KCNU1: variants seen among roughly 807,000 people sequenced by gnomAD.
KCNU1 encodes potassium channel subfamily U member 1.
In KCNU1, 93 loss-of-function variants were observed where a neutral mutation model predicts 126.8. That is an observed-to-expected ratio of 0.73 (90% confidence interval 0.62 to 0.87). KCNU1 has a LOEUF of 0.87. Ranked by LOEUF, KCNU1 falls within the 40% of genes least tolerant of loss-of-function variation. KCNU1 has a pLI of 0.00. For missense variants in KCNU1, 1,330 were observed against 1,367.1 expected (o/e 0.97, Z 0.43); for synonymous variants, 523 against 494.2 (o/e 1.06, Z -0.77).
At chr8:36,807,263 G>C in intron 5 of KCNU1, 112 bp from the exon 6 acceptor site, 1 of 770,962 alleles carries the variant, frequency 1.3e-6, no homozygotes, top group South Asian at 1.6e-5. Context: ...AATAGATTTG[G>C]AACACGTCTA....
intron 19 of KCNU1, among the ~76,000 whole-genome samples, chr8:36,902,946 C>T (rs1330027104): frequency 6.6e-6 from 1 of 152,088 alleles, no homozygotes; most frequent in Non-Finnish European, 1.5e-5. Flanking sequence ...GACCTTGAAG[C>T]TTATATGTTA....
chr8:36,886,995 G>T (rs919773416), intron 19 of KCNU1, among the ~76,000 whole-genome samples: 1 of 152,024 alleles, frequency 6.6e-6, no homozygotes, highest in Non-Finnish European at 1.5e-5. Context: ...TTTTATGGCT[G>T]TGTAGTATTC....
intron 2 of KCNU1, among the ~76,000 whole-genome samples, chr8:36,800,193 T>C (rs1803252737): frequency 6.6e-6 from 1 of 152,306 alleles, no homozygotes; most frequent in South Asian, 2.1e-4. Context: ...ATACTTCTCA[T>C]AAAACAGGCA....
chr8:36,861,410 C>T (rs1805725283), intron 18 of KCNU1, among the ~76,000 whole-genome samples: 1 of 152,122 alleles, frequency 6.6e-6, no homozygotes, highest in African/African-American at 2.4e-5. Flanking sequence ...TGGCTCTGGT[C>T]TCCTTTCATG....
intron 18 of KCNU1, among the ~76,000 whole-genome samples, chr8:36,847,502 C>T (rs1029132755): frequency 1.3e-5 from 2 of 152,142 alleles, no homozygotes; most frequent in Non-Finnish European, 2.9e-5. Flanking sequence ...ATCTTCCCCT[C>T]CCTCTCCCCT....
chr8:36,904,364 A>G (rs192309844), intron 19 of KCNU1, among the ~76,000 whole-genome samples: 19 of 152,222 alleles, frequency 1.2e-4, no homozygotes, highest in Non-Finnish European at 2.1e-4. Context: ...CTCTTCTCAC[A>G]TTTCATTGGA....
intron 18 of KCNU1, among the ~76,000 whole-genome samples, chr8:36,851,232 A>G (rs923832415): frequency 6.6e-6 from 1 of 152,126 alleles, no homozygotes; most frequent in Admixed American, 6.6e-5. Context: ...CCCCACCCAA[A>G]TCTCATCTTG....
intron 7 of KCNU1, among the ~76,000 whole-genome samples, chr8:36,812,259 A>G (rs1803746904): frequency 6.6e-6 from 1 of 151,796 alleles, no homozygotes; most frequent in Admixed American, 6.6e-5. Context: ...AGGCACCTGC[A>G]ATCCCAGCTA....
intron 10 of KCNU1, among the ~76,000 whole-genome samples, chr8:36,828,515 T>C (rs192772372): frequency 6.6e-6 from 1 of 152,254 alleles, no homozygotes; most frequent in Admixed American, 6.5e-5. Context: ...AGGAATATCA[T>C]ACCAATGTAA....
intron 24 of KCNU1, among the ~76,000 whole-genome samples, chr8:36,929,630 G>A (rs1808639360): frequency 6.6e-6 from 1 of 152,066 alleles, no homozygotes; most frequent in Non-Finnish European, 1.5e-5. Flanking sequence ...GAGTCACAAA[G>A]CTGATGAACC....
chr8:36,837,562 C>T (rs549272321), intron 14 of KCNU1, among the ~76,000 whole-genome samples: 8 of 152,204 alleles, frequency 5.3e-5, no homozygotes, highest in East Asian at 1.9e-4. Flanking sequence ...GTTAGTGAGC[C>T]GCAGAGCTAG....
At chr8:36,929,687 C>G (rs1014719985) in intron 24 of KCNU1, among the ~76,000 whole-genome samples, 1 of 152,076 alleles carries the variant, frequency 6.6e-6, no homozygotes, top group Non-Finnish European at 1.5e-5. Flanking sequence ...ACCGCTTAAG[C>G]AACTGTAGAT....
intron 19 of KCNU1, among the ~76,000 whole-genome samples, chr8:36,902,278 A>G (rs923395493): frequency 4.4e-4 from 67 of 152,136 alleles, no homozygotes; most frequent in African/African-American, 1.6e-3. Context: ...CATATACCAC[A>G]CTTTTATTAT....
chr8:36,855,381 G>A (rs1805493351), intron 18 of KCNU1, among the ~76,000 whole-genome samples: 1 of 152,070 alleles, frequency 6.6e-6, no homozygotes, highest in Non-Finnish European at 1.5e-5. Flanking sequence ...ACATGCAAAT[G>A]AGGCTGAAAA....
chr8:36,850,627 C>A (rs1055985498), intron 18 of KCNU1, among the ~76,000 whole-genome samples: 5 of 152,102 alleles, frequency 3.3e-5, no homozygotes, highest in Admixed American at 3.3e-4. Flanking sequence ...CAGCTAATTC[C>A]TGCATTTTTT....
intron 19 of KCNU1, among the ~76,000 whole-genome samples, chr8:36,895,374 T>A (rs1807148589): frequency 6.6e-6 from 1 of 152,094 alleles, no homozygotes. Flanking sequence ...CCACTGTACC[T>A]GGCCTTTTGT....
chr8:36,800,701 C>A (rs959819680), intron 2 of KCNU1, among the ~76,000 whole-genome samples: 5 of 152,202 alleles, frequency 3.3e-5, no homozygotes, highest in African/African-American at 9.7e-5. Context: ...ATGTACAGCT[C>A]TTCTCAGAAT....
At chr8:36,899,688 T>C (rs1013769866) in intron 19 of KCNU1, among the ~76,000 whole-genome samples, 1 of 152,092 alleles carries the variant, frequency 6.6e-6, no homozygotes, top group Non-Finnish European at 1.5e-5. Flanking sequence ...TTCAGGGCTA[T>C]TGGCCACCTA....
At chr8:36,916,815 A>C (rs1328930886) in intron 22 of KCNU1, among the ~76,000 whole-genome samples, 1 of 152,210 alleles carries the variant, frequency 6.6e-6, no homozygotes, top group Non-Finnish European at 1.5e-5. Context: ...TGGGTTCTTC[A>C]TGAGGAGCTT....
Sources: gnomAD v4.1 joint callset for allele counts (sites outside exome capture counted in the v4.1 genomes callset) on GRCh38, gnomAD v4.1.1 for gene constraint, MANE v1.5 for transcripts, NCBI Gene and HGNC (gene_info 2026-07-23, HGNC 2026-07-21) for gene names.